OR56A1: variants seen among roughly 807,000 people sequenced by gnomAD.
OR56A1 encodes olfactory receptor family 56 subfamily A member 1.
For synonymous variants in OR56A1, 174 were observed against 159.1 expected (o/e 1.09, Z -0.70); for missense variants, 360 against 380.9 (o/e 0.94, Z 0.46).
rs1045095420 is a variant in OR56A1, at chr11:6,025,352, T to C, written c.*1396A>G. The C allele has an allele frequency of 3.3e-5, 5 of 152,242 alleles. No individual in the cohort carries two copies. Among genetic ancestry groups the C allele is most frequent in the Admixed American group, 6.5e-5 (1 of 15,284 alleles). 9.4% of individuals were successfully genotyped at this position (152,242 alleles called of 1,614,324 possible). ...CAAACCCTTCTTTGCCAGCTGTCTC[T>C]CTCTGAGTTTCTACCTACAGAGAGC... On this transcript the variant is annotated 3_prime_UTR_variant, in exon 2 of 2. Coordinates refer to ENST00000641900, the MANE Select transcript of OR56A1 (RefSeq NM_001388488.1).
rs1357719452 is a variant in OR56A1 at position 6,025,729 on chromosome 11, T to C, written c.*1019A>G. ...ATGGGCCACTTCCTAGCCTTTTAGGTTCTAATGACCCAACCTCTTTCCAAG... is the reference window on the plus strand; with the variant it reads ...ATGGGCCACTTCCTAGCCTTTTAGGCTCTAATGACCCAACCTCTTTCCAAG... On this transcript the variant is annotated 3_prime_UTR_variant, in exon 2 of 2. Transcript: ENST00000641900. 2 of 152,212 alleles carry C rather than the reference T, an allele frequency of 1.3e-5. No homozygotes were observed. Among genetic ancestry groups the C allele is most frequent in the Non-Finnish European group, 2.9e-5 (2 of 68,042 alleles). The allele number at this position is 152,212 out of a possible 1,614,324, so 9.4% of individuals were successfully genotyped here.
chr11:6,032,646 G>A (rs547669131), upstream of OR56A1, among the ~76,000 whole-genome samples: 4 of 152,192 alleles, frequency 2.6e-5, no homozygotes, highest in South Asian at 8.3e-4. Flanking sequence ...AGCCACAGGG[G>A]GGTTGTCTGG....
chr11:6,020,345 A>T lies in OR56A1; in HGVS notation c.*6403T>A, dbSNP rs1482643909. The T allele has an allele frequency of 6.6e-6, 1 of 152,136 alleles. No homozygotes were observed. Among genetic ancestry groups the T allele is most frequent in the African/African-American group, 2.4e-5 (1 of 41,444 alleles). 9.4% of individuals were successfully genotyped at this position (152,136 alleles called of 1,614,324 possible). A position where few individuals can be genotyped will look rare whatever the true frequency, so the allele number is the denominator to read the frequency against. ...AATAGTTTTTTCTAGTTCTGTAAAG[A>T]ATGTCATTGGTAGTTTGACTGGAAT... On this transcript the variant is annotated 3_prime_UTR_variant, in exon 2 of 2. Coordinates refer to ENST00000641900, the MANE Select transcript of OR56A1 (RefSeq NM_001388488.1).
At position 6,024,558 on chromosome 11, in the gene OR56A1, T is replaced by A. The variant is rs1378932265; in HGVS notation, c.*2190A>T. 2 of 152,230 alleles carry A rather than the reference T, an allele frequency of 1.3e-5. No individual in the cohort carries two copies. Among genetic ancestry groups the A allele is most frequent in the African/African-American group, 4.8e-5 (2 of 41,466 alleles). 9.4% of individuals were successfully genotyped at this position (152,230 alleles called of 1,614,324 possible). A position where few individuals can be genotyped will look rare whatever the true frequency, so the allele number is the denominator to read the frequency against. On this transcript the variant is annotated 3_prime_UTR_variant, in exon 2 of 2. Transcript: ENST00000641900. ...TGATTACAGATGTATTATATTCCTATGAATTATATCCTATTAGATTCCTTT... is the reference window on the plus strand; with the variant it reads ...TGATTACAGATGTATTATATTCCTAAGAATTATATCCTATTAGATTCCTTT...
chr11:6,023,258 CT>C lies in OR56A1; in HGVS notation c.*3489del, dbSNP rs1297814629. 6.6e-6 allele frequency: 1 copy of C among 152,200 alleles called. No individual in the cohort carries two copies. The highest frequency in any genetic ancestry group is 1.5e-5 in the Non-Finnish European group (1 of 68,022). The allele number at this position is 152,200 out of a possible 1,614,324, so 9.4% of individuals were successfully genotyped here. ...ACAGTTGCAGTCTTGATGCTATAAA[CT>C]TTCTCTGATGTCTCAGAACTCTCAC... On this transcript the variant is annotated 3_prime_UTR_variant, in exon 2 of 2. Coordinates refer to ENST00000641900, the MANE Select transcript of OR56A1 (RefSeq NM_001388488.1).
In OR56A1 at chr11:6,024,363, A is replaced by T. The variant is rs1848426346; in HGVS notation, c.*2385T>A. The T allele has an allele frequency of 1.3e-5, 2 of 152,184 alleles. No individual in the cohort carries two copies. Among genetic ancestry groups the T allele is most frequent in the African/African-American group, 4.8e-5 (2 of 41,436 alleles). 9.4% of individuals were successfully genotyped at this position (152,184 alleles called of 1,614,324 possible). On this transcript the variant is annotated 3_prime_UTR_variant, in exon 2 of 2. Coordinates refer to ENST00000641900, the MANE Select transcript of OR56A1 (RefSeq NM_001388488.1). ...TCTCATAATTGTGTTGGCCATTTGC[A>T]TTGATCTACAGAAGTCTGGTTCGGG...
In OR56A1 at chr11:6,023,393, T is replaced by A. The variant is rs1250392280; in HGVS notation, c.*3355A>T. ...TATTGTTCCCTCAACAATACTTAGG[T>A]GTTTGTTTTGAGCTTTGGCTACCAA... On this transcript the variant is annotated 3_prime_UTR_variant, in exon 2 of 2. Coordinates refer to ENST00000641900, the MANE Select transcript of OR56A1 (RefSeq NM_001388488.1). 6.6e-6 allele frequency: 1 copy of A among 152,196 alleles called. No homozygotes were observed. Among genetic ancestry groups the A allele is most frequent in the African/African-American group, 2.4e-5 (1 of 41,454 alleles). 9.4% of individuals were successfully genotyped at this position (152,196 alleles called of 1,614,324 possible).
In OR56A1 at chr11:6,027,062, C is replaced by A. The variant is rs1444406508; in HGVS notation, c.631G>T (p.Gly211Cys). ...AGGAAGATGAGGAATAAATCTGAGC[C>A]CAGCAAGGTCCAACCAGCCACAAAT... ...YQFVAGWTLL[G>C]SDLFLIFLSY... The change falls in exon 2 of 2, where the codon GGC becomes TGC. Residue 211 changes from glycine to cysteine, a missense_variant. By Grantham distance (159) the Gly-to-Cys change is radical. Coordinates refer to ENST00000641900, the MANE Select transcript of OR56A1 (RefSeq NM_001388488.1). 6 of 1,614,156 alleles carry A rather than the reference C, an allele frequency of 3.7e-6. No individual in the cohort carries two copies. The highest frequency in any genetic ancestry group is 5.1e-6 in the Non-Finnish European group (6 of 1,180,036).
rs1380217386 is a variant in OR56A1 at position 6,027,078 on chromosome 11, A to G, written c.615T>C (p.Ala205=). 1 of 1,614,240 alleles carries G rather than the reference A, an allele frequency of 6.2e-7. No homozygotes were observed. The highest frequency in any genetic ancestry group is 2.2e-5 in the East Asian group (1 of 44,890). The change falls in exon 2 of 2, where the codon GCT becomes GCC. Residue 205 remains alanine (A), a synonymous_variant. Transcript: ENST00000641900. The stretch of plus-strand genomic sequence containing the variant: ...AATCTGAGCCCAGCAAGGTCCAACC[A>G]GCCACAAATTGGTAGATTCTGTTAA... The part of the protein sequence containing the change: ...FTLNRIYQFV[A]GWTLLGSDLF...
chr11:6,026,717 G>T lies in OR56A1; in HGVS notation c.*31C>A, dbSNP rs1390405182. On this transcript the variant is annotated 3_prime_UTR_variant, in exon 2 of 2. Transcript: ENST00000641900. Reference sequence around the variant, plus strand: ...CCTAGGTAAAATCACTGAAGAGGAAGAACAGGAGGTATTAGAAATGCTTTA... The same window carrying T: ...CCTAGGTAAAATCACTGAAGAGGAATAACAGGAGGTATTAGAAATGCTTTA... 3 of 1,353,234 alleles carry T rather than the reference G, an allele frequency of 2.2e-6. No individual in the cohort carries two copies. Among genetic ancestry groups the T allele is most frequent in the Non-Finnish European group, 3.1e-6 (3 of 968,540 alleles). 83.8% of individuals were successfully genotyped at this position (1,353,234 alleles called of 1,614,324 possible). A position where few individuals can be genotyped will look rare whatever the true frequency, so the allele number is the denominator to read the frequency against.
Position 6,027,674 on chromosome 11 carries a change from T to G in OR56A1, c.19A>C (p.Ser7Arg). ...AATTCAGAGACTGGGACAGTGGAGC[T>G]GTTGCTGGGTGACGCCATAGGCTGA... is the stretch of plus-strand genomic sequence containing the variant. MASPSN[S>R]STVPVSEFLL... Residue 7 changes from serine (S) to arginine (R), a missense_variant, in exon 2 of 2, where the codon AGC becomes CGC. By Grantham distance (110) the Ser-to-Arg change is moderately radical. Transcript: ENST00000641900. 1.9e-6 allele frequency: 3 copies of G among 1,594,568 alleles called. No homozygotes were observed. The highest frequency in any genetic ancestry group is 2.6e-6 in the Non-Finnish European group (3 of 1,170,950).
rs747174228 is a variant in OR56A1 at position 6,025,234 on chromosome 11, A to G, written c.*1514T>C. The G allele has an allele frequency of 1.1e-4, 16 of 152,252 alleles. No individual in the cohort carries two copies. The highest frequency in any genetic ancestry group is 5.9e-4 in the Admixed American group (9 of 15,280). The allele number at this position is 152,252 out of a possible 1,614,324, so 9.4% of individuals were successfully genotyped here. ...TCAGTAGTCACAAGCTTTCAGACCC[A>G]CATAAGATTGGAGCTGCGCCAGTTA... On this transcript the variant is annotated 3_prime_UTR_variant, in exon 2 of 2. Coordinates refer to ENST00000641900, the MANE Select transcript of OR56A1 (RefSeq NM_001388488.1).
In OR56A1 at chr11:6,027,168, A is replaced by G. The variant is rs759333614; in HGVS notation, c.525T>C (p.Asn175=). ...TGGCACAGATGCAGTTCTCAATGAC[A>G]TTTTCCCCACAGTAATGGAGCAGGG... ...LTSLLHYCGE[N]VIENCICANL... The change falls in exon 2 of 2, where the codon AAT becomes AAC. Residue 175 remains asparagine (N), a synonymous_variant. Transcript: ENST00000641900. The G allele has an allele frequency of 7.4e-6, 12 of 1,614,098 alleles. No homozygotes were observed. The highest frequency in any genetic ancestry group is 5.0e-5 in the Admixed American group (3 of 60,008).
Position 6,027,744 on chromosome 11 carries a change from T to C in OR56A1, c.-34-18A>G, listed in dbSNP as rs763648345. ...TCTGATGACTATGTTTATGGGCAGA[T>C]ACAAGAGGTTATTTTTACAAATTGC... On this transcript the variant is annotated intron_variant, in intron 1 of 1. Coordinates refer to ENST00000641900, the MANE Select transcript of OR56A1 (RefSeq NM_001388488.1). The C allele has an allele frequency of 7.3e-7, 1 of 1,370,626 alleles. No individual in the cohort carries two copies. Among genetic ancestry groups the C allele is most frequent in the Admixed American group, 2.3e-5 (1 of 43,746 alleles). 84.9% of individuals were successfully genotyped at this position (1,370,626 alleles called of 1,614,324 possible).
rs1168446587 is a variant in OR56A1 at position 6,021,969 on chromosome 11, T to A, written c.*4779A>T. The A allele has an allele frequency of 6.6e-6, 1 of 152,162 alleles. No homozygotes were observed. The highest frequency in any genetic ancestry group is 1.5e-5 in the Non-Finnish European group (1 of 68,016). 9.4% of individuals were successfully genotyped at this position (152,162 alleles called of 1,614,324 possible). A position where few individuals can be genotyped will look rare whatever the true frequency, so the allele number is the denominator to read the frequency against. On this transcript the variant is annotated 3_prime_UTR_variant, in exon 2 of 2. Transcript: ENST00000641900. ...CATTAATAGAGAGACAGAATATCAC[T>A]GGTGAAAGAGAAATCACAATGGGAT... is the stretch of plus-strand genomic sequence containing the variant.
In OR56A1 at chr11:6,027,603, G is replaced by A. The variant is rs138937124; in HGVS notation, c.90C>T (p.Leu30=). The A allele has an allele frequency of 3.1e-6, 5 of 1,613,698 alleles. No homozygotes were observed. The highest frequency in any genetic ancestry group is 1.7e-5 in the Admixed American group (1 of 60,024). The change falls in exon 2 of 2, where the codon CTC becomes CTT. Residue 30 remains leucine (L), a synonymous_variant. Coordinates refer to ENST00000641900, the MANE Select transcript of OR56A1 (RefSeq NM_001388488.1). The part of the protein sequence containing the change: ...FPNFQSWQHW[L]SLPLSLLFLL... ...GGAAGAGAAGGCTGAGGGGCAGGGAGAGCCAGTGCTGCCAACTCTGGAAGT... is the reference window on the plus strand; with the variant it reads ...GGAAGAGAAGGCTGAGGGGCAGGGAAAGCCAGTGCTGCCAACTCTGGAAGT...
Position 6,027,740 on chromosome 11 carries a change from C to T in OR56A1, c.-34-14G>A. ...GGCTTCTGATGACTATGTTTATGGG[C>T]AGATACAAGAGGTTATTTTTACAAA... is the stretch of plus-strand genomic sequence containing the variant. On this transcript the variant is annotated splice_polypyrimidine_tract_variant and intron_variant, in intron 1 of 1. Coordinates refer to ENST00000641900, the MANE Select transcript of OR56A1 (RefSeq NM_001388488.1). 7.1e-7 allele frequency: 1 copy of T among 1,401,012 alleles called. No individual in the cohort carries two copies. Among genetic ancestry groups the T allele is most frequent in the Non-Finnish European group, 9.7e-7 (1 of 1,027,820 alleles). The allele number at this position is 1,401,012 out of a possible 1,614,324, so 86.8% of individuals were successfully genotyped here.
At chr11:6,032,088 G>A (rs995748294), upstream of OR56A1, among the ~76,000 whole-genome samples, 1 of 152,096 alleles carries the variant, frequency 6.6e-6, no homozygotes, top group Non-Finnish European at 1.5e-5. Context: ...TGTGTCATTG[G>A]TAACCTGGCC....
At chr11:6,028,131 G>C (rs1489696499) in intron 1 of OR56A1, among the ~76,000 whole-genome samples, 2 of 151,944 alleles carry the variant, frequency 1.3e-5, no homozygotes. Flanking sequence ...AATATAATTT[G>C]AGATGGATAT....
Sources: allele counts gnomAD v4.1 joint callset (sites outside exome capture counted in the v4.1 genomes callset), GRCh38; gene constraint gnomAD v4.1.1; transcripts MANE v1.5; gene names NCBI Gene and HGNC (gene_info 2026-07-23, HGNC 2026-07-21).